Variants in KIAA0319L observed in about 807,000 individuals in gnomAD.
The protein encoded by KIAA0319L is dyslexia-associated protein KIAA0319-like protein.
KIAA0319L carries 55 observed loss-of-function variants against 120.1 expected under a neutral mutation model. That is an observed-to-expected ratio of 0.46 (90% confidence interval 0.37 to 0.57). The LOEUF is 0.57. Ranked by LOEUF, KIAA0319L falls within the 20% of genes least tolerant of loss-of-function variation. The pLI, the probability that KIAA0319L is intolerant of heterozygous loss-of-function variation, is 0.00. For synonymous variants in KIAA0319L, 398 were observed against 471.9 expected, an observed-to-expected ratio of 0.84 and a Z score of 2.03; for missense variants, 1,049 against 1,255.3, an observed-to-expected ratio of 0.84 and a Z score of 2.48.
intron 16 of KIAA0319L, among the ~76,000 whole-genome samples, chr1:35,446,388 A>T (rs185102193): frequency 5.9e-5 from 9 of 152,286 alleles, no homozygotes; most frequent in South Asian, 4.1e-4. Context: ...ATGAAAAAAA[A>T]TTTTTAAAGA....
chr1:35,472,568 T>C (rs1643687622), intron 5 of KIAA0319L, among the ~76,000 whole-genome samples: 1 of 152,144 alleles, frequency 6.6e-6, no homozygotes, highest in Non-Finnish European at 1.5e-5. Context: ...GTGCTAGGAT[T>C]ACAGGCATGA....
intron 2 of KIAA0319L, among the ~76,000 whole-genome samples, chr1:35,518,001 A>T (rs978131032): frequency 1.3e-5 from 2 of 152,250 alleles, no homozygotes. Flanking sequence ...AGAAATGCAA[A>T]TCAAAACCAC....
In KIAA0319L at chr1:35,460,414, C is replaced by T. The variant is rs145317796; in HGVS notation, c.1318G>A (p.Val440Ile). 25 of 1,612,938 alleles carry T rather than the reference C, an allele frequency of 1.5e-5. No homozygotes were observed. The highest frequency in any genetic ancestry group is 9.4e-5 in the African/African-American group (7 of 74,832). Residue 440 changes from valine (V) to isoleucine (I), a missense_variant, in exon 9 of 21, where the codon GTT (valine) becomes ATT (isoleucine). Coordinates refer to ENST00000325722, the MANE Select transcript of KIAA0319L (RefSeq NM_024874.5). ...GSQSTDDDKI[V>I]QYHWEELKGP... ...TTAAGTTCTTCCCAATGGTACTGAACGATTTTATCATCATCAGTGCTTTCT... is the reference window on the plus strand; with the variant it reads ...TTAAGTTCTTCCCAATGGTACTGAATGATTTTATCATCATCAGTGCTTTCT...
intron 3 of KIAA0319L, among the ~76,000 whole-genome samples, chr1:35,484,789 T>TTA (rs1644305329): frequency 1.5e-5 from 1 of 67,692 alleles, no homozygotes; most frequent in Non-Finnish European, 3.3e-5. Flanking sequence ...TATATATATA[T>TTA]ATATATATAT....
At chr1:35,510,509 G>A (rs529837340) in intron 2 of KIAA0319L, 1 of 151,654 alleles carries the variant, frequency 6.6e-6, no homozygotes, top group South Asian at 2.1e-4. Flanking sequence ...CTACAAACAC[G>A]ACTGTGGGAA....
chr1:35,434,190 T>C lies in KIAA0319L; in HGVS notation c.*704A>G, dbSNP rs1640614527. The C allele has an allele frequency of 6.6e-6, 1 of 151,252 alleles. No individual in the cohort carries two copies. Among genetic ancestry groups the C allele is most frequent in the Non-Finnish European group, 1.5e-5 (1 of 67,886 alleles). The allele number at this position is 151,252 out of a possible 1,614,324, so 9.4% of individuals were successfully genotyped here. The stretch of plus-strand genomic sequence containing the variant: ...GCCTCCACCTCCCAGGTTTAAGCAA[T>C]TCTCCTGCCTCAGCCTCCCGAGTAG... On this transcript the variant is annotated 3_prime_UTR_variant, in exon 21 of 21. Transcript: ENST00000325722.
chr1:35,522,111 G>GT (rs1350541358), intron 2 of KIAA0319L, among the ~76,000 whole-genome samples: 2 of 152,180 alleles, frequency 1.3e-5, no homozygotes, highest in African/African-American at 4.8e-5. Context: ...GTTCAGAGCA[G>GT]TATGTATAGC....
chr1:35,485,295 G>GT (rs1047411206), intron 3 of KIAA0319L, among the ~76,000 whole-genome samples: 10 of 150,830 alleles, frequency 6.6e-5, no homozygotes, highest in East Asian at 1.9e-4. Context: ...GCTCTGCTCG[G>GT]TTTTTTTTTC....
In KIAA0319L at chr1:35,459,135, G is replaced by A. The variant is rs536709883; in HGVS notation, c.1427+1170C>T. Among the ~76,000 whole-genome samples, 4 of 152,236 alleles carry A rather than the reference G, an allele frequency of 2.6e-5. No homozygotes were observed. The East Asian group carries it at 7.7e-4, about 29-fold the overall frequency. On this transcript the variant is annotated intron_variant, in intron 9 of 20. Coordinates refer to ENST00000325722, the MANE Select transcript of KIAA0319L (RefSeq NM_024874.5). ...GGCCCTGAGTGCAATAGGGAAAGAG[G>A]AGAGCCATATTCTCTCCTGTCTGGA...
chr1:35,441,147 C>A lies in KIAA0319L; in HGVS notation c.2871-9G>T. Reference sequence around the variant, plus strand: ...TGGGTTTTCCTTTTTGCCTAAAAAACACAACCCCCACCCCTGCTCAGGAAA... The same window carrying A: ...TGGGTTTTCCTTTTTGCCTAAAAAAAACAACCCCCACCCCTGCTCAGGAAA... On this transcript the variant is annotated splice_polypyrimidine_tract_variant and intron_variant, in intron 19 of 20. Coordinates refer to ENST00000325722, the MANE Select transcript of KIAA0319L (RefSeq NM_024874.5). 1.2e-6 allele frequency: 2 copies of A among 1,611,454 alleles called. No individual in the cohort carries two copies. The highest frequency in any genetic ancestry group is 8.5e-7 in the Non-Finnish European group (1 of 1,177,556).
chr1:35,504,388 A>G (rs144263606), intron 3 of KIAA0319L, among the ~76,000 whole-genome samples: 3,959 of 152,018 alleles, frequency 0.026, 170 homozygotes, highest in African/African-American at 0.09. Flanking sequence ...AGTAGAGACA[A>G]GGTTTCACCG....
At chr1:35,546,088 A>G (rs774101404) in intron 2 of KIAA0319L, among the ~76,000 whole-genome samples, 12 of 152,190 alleles carry the variant, frequency 7.9e-5, no homozygotes, top group Admixed American at 5.9e-4. Flanking sequence ...AGTGGTCTGG[A>G]GCTCAGGAAT....
intron 20 of KIAA0319L, chr1:35,440,800 A>G (rs1389107441): frequency 1.9e-6 from 1 of 519,074 alleles, no homozygotes; most frequent in Middle Eastern, 5.2e-4. Flanking sequence ...GAGAATGCCC[A>G]GGCAAAGGAA....
chr1:35,528,812 T>A (rs1306484097), intron 2 of KIAA0319L, among the ~76,000 whole-genome samples: 2 of 152,218 alleles, frequency 1.3e-5, no homozygotes, highest in Non-Finnish European at 2.9e-5. Context: ...TTAGAATTGT[T>A]ATATCCTATT....
chr1:35,469,296 A>C (rs1171133840), intron 6 of KIAA0319L, among the ~76,000 whole-genome samples: 1 of 152,096 alleles, frequency 6.6e-6, no homozygotes, highest in Non-Finnish European at 1.5e-5. Context: ...CTACCATTTT[A>C]CACCTAAATT....
intron 2 of KIAA0319L, among the ~76,000 whole-genome samples, chr1:35,527,726 T>C (rs894343862): frequency 6.6e-6 from 1 of 152,170 alleles, no homozygotes; most frequent in African/African-American, 2.4e-5. Flanking sequence ...ATTTCTGTGA[T>C]ATCAGTTGTA....
At chr1:35,554,312 TAA>T (rs745403032) in intron 2 of KIAA0319L, 36 bp downstream of exon 2, 32 of 1,174,652 alleles carry the variant, frequency 2.7e-5, no homozygotes, top group East Asian at 1.6e-4. Context: ...TGCCCTTTTC[TAA>T]AAAAAAAAAT....
chr1:35,502,386 T>G (rs1013754367), intron 3 of KIAA0319L, among the ~76,000 whole-genome samples: 1 of 152,006 alleles, frequency 6.6e-6, no homozygotes, highest in Admixed American at 6.6e-5. Context: ...ACCTGGCATA[T>G]AGTAAATGCT....
intron 2 of KIAA0319L, among the ~76,000 whole-genome samples, chr1:35,527,773 T>G (rs1468999072): frequency 2.6e-5 from 4 of 152,154 alleles, no homozygotes; most frequent in African/African-American, 9.6e-5. Context: ...GCTCTTCTTT[T>G]TTTCTTGGTT....
Sources: gnomAD v4.1 joint callset for allele counts (sites outside exome capture counted in the v4.1 genomes callset) on GRCh38, gnomAD v4.1.1 for gene constraint, MANE v1.5 for transcripts, NCBI Gene and HGNC (gene_info 2026-07-23, HGNC 2026-07-21) for gene names.